The following FMO1 variants were observed in gnomAD, a reference collection of about 807,000 sequenced individuals.
The protein encoded by FMO1 is flavin containing dimethylaniline monoxygenase 1.
Under a neutral mutation model 45.4 loss-of-function variants are expected in FMO1, and 36 were observed. The observed-to-expected ratio is 0.79, with a 90% CI of 0.61 to 1.05. The LOEUF (loss-of-function observed/expected upper bound fraction) is 1.05. Ranked by LOEUF, FMO1 falls within the 50% of genes least tolerant of loss-of-function variation. The pLI is 0.00. For synonymous variants in FMO1, 228 were observed against 227.2 expected (o/e 1.00, Z -0.03); for missense variants, 615 against 640.3 (o/e 0.96, Z 0.43).
chr1:171,250,971 T>G (rs1192694078), intron 1 of FMO1, among the ~76,000 whole-genome samples: 1 of 152,316 alleles, frequency 6.6e-6, no homozygotes, highest in East Asian at 1.9e-4. Context: ...ACAAATCTTC[T>G]TGGAAGGCCG....
intron 2 of FMO1, among the ~76,000 whole-genome samples, chr1:171,264,892 C>T (rs904157624): frequency 6.6e-6 from 1 of 151,628 alleles, no homozygotes; most frequent in African/African-American, 2.4e-5. Context: ...GAGCGAGACT[C>T]CATCTCAAAA....
chr1:171,257,258 T>A (rs1660198623), intron 1 of FMO1, among the ~76,000 whole-genome samples: 1 of 152,094 alleles, frequency 6.6e-6, no homozygotes, highest in African/African-American at 2.4e-5. Flanking sequence ...GGTTGCTTAA[T>A]CAATGCACTC....
chr1:171,263,040 C>T (rs1660441004), intron 2 of FMO1, among the ~76,000 whole-genome samples: 1 of 152,200 alleles, frequency 6.6e-6, no homozygotes, highest in African/African-American at 2.4e-5. Flanking sequence ...ATTTTATTAT[C>T]ACTTTATATC....
At chr1:171,255,901 A>G (rs1660125601) in intron 1 of FMO1, among the ~76,000 whole-genome samples, 1 of 152,100 alleles carries the variant, frequency 6.6e-6, no homozygotes, top group Non-Finnish European at 1.5e-5. Flanking sequence ...TATATGCAAT[A>G]CTCTTTCCTT....
Position 171,280,936 on chromosome 1 carries a change from A to G in FMO1, c.778A>G (p.Ile260Val). The G allele has an allele frequency of 6.2e-7, 1 of 1,613,934 alleles. No homozygotes were observed. Among genetic ancestry groups the G allele is most frequent in the Non-Finnish European group, 8.5e-7 (1 of 1,179,862 alleles). The change falls in exon 6 of 9, where the codon ATA (isoleucine) becomes GTA (valine). Residue 260 changes from isoleucine (I) to valine (V), a missense_variant. By Grantham distance (29) the Ile-to-Val change is conservative. Transcript: ENST00000617670. ...PIVTWLMERK[I>V]NNWLNHANYG... is the part of the protein sequence containing the mutation. The stretch of plus-strand genomic sequence containing the variant: ...TGTGACTTGGTTGATGGAGCGAAAG[A>G]TAAACAACTGGCTCAATCATGCAAA...
At chr1:171,263,238 C>T (rs909286999) in intron 2 of FMO1, among the ~76,000 whole-genome samples, 3 of 152,104 alleles carry the variant, frequency 2.0e-5, no homozygotes, top group East Asian at 1.9e-4. Flanking sequence ...TAGCATGATA[C>T]GATTGCTTCA....
intron 2 of FMO1, among the ~76,000 whole-genome samples, chr1:171,266,925 T>C (rs1660640058): frequency 6.6e-6 from 1 of 152,218 alleles, no homozygotes; most frequent in South Asian, 2.1e-4. Flanking sequence ...GAGTAAAAAC[T>C]GAGGGTGGGA....
chr1:171,251,595 TG>T (rs1659897041), intron 1 of FMO1: 1 of 147,396 alleles, frequency 6.8e-6, no homozygotes. Context: ...GCGCCTCACA[TG>T]GGGCACCAGC....
intron 1 of FMO1, chr1:171,257,753 T>TGGA: frequency 2.8e-6 from 1 of 351,116 alleles, no homozygotes; most frequent in Non-Finnish European, 5.5e-6. Flanking sequence ...GGCCACAGAA[T>TGGA]GGAGACTAGA....
rs1661311130 is a variant in FMO1 at position 171,280,697 on chromosome 1, T to C, written c.628-89T>C. The C allele has an allele frequency of 2.1e-5, 23 of 1,107,634 alleles. No individual in the cohort carries two copies. In the South Asian group the frequency reaches 2.9e-4, roughly 14 times the overall value. The allele number at this position is 1,107,634 out of a possible 1,614,324, so 68.6% of individuals were successfully genotyped here. On this transcript the variant is annotated intron_variant, in intron 5 of 8. Transcript: ENST00000617670. ...GAGAGTGGCAGACTTTTCAGTGCCT[T>C]TCCATTCATGACACTTCTTGAATCT...
intron 4 of FMO1, among the ~76,000 whole-genome samples, chr1:171,276,394 T>C (rs753040602): frequency 6.6e-6 from 1 of 152,206 alleles, no homozygotes; most frequent in Non-Finnish European, 1.5e-5. Flanking sequence ...CAGGAAATTA[T>C]TTTTCAGCAA....
rs1474033585 is a variant in FMO1, at chr1:171,275,483, T to C, written c.459T>C (p.Pro153=). ...TCTGCACTGGCTTTCTTACTAATCC[T>C]TATTTGCCACTGGATTCCTTTCCAG... ...VMVCTGFLTN[P]YLPLDSFPGI... is the part of the protein sequence containing the mutation. Residue 153 remains proline (P), a synonymous_variant, in exon 4 of 9, where the codon CCT becomes CCC. Transcript: ENST00000617670. The C allele has an allele frequency of 6.2e-7, 1 of 1,612,118 alleles. No individual in the cohort carries two copies. Among genetic ancestry groups the C allele is most frequent in the African/African-American group, 1.3e-5 (1 of 74,826 alleles).
At chr1:171,280,137 T>C (rs1558017593) in intron 5 of FMO1, among the ~76,000 whole-genome samples, 1 of 152,218 alleles carries the variant, frequency 6.6e-6, no homozygotes, top group Non-Finnish European at 1.5e-5. Context: ...AGCTAACTAA[T>C]ATATACTAGT....
intron 2 of FMO1, among the ~76,000 whole-genome samples, chr1:171,261,905 C>A (rs1322579322): frequency 6.6e-6 from 1 of 151,968 alleles, no homozygotes; most frequent in Non-Finnish European, 1.5e-5. Flanking sequence ...GGGTGGAAAC[C>A]ATTAAAAAGA....
Position 171,275,345 on chromosome 1 carries a change from G to C in FMO1, c.322-1G>C, listed in dbSNP as rs1352105577. 6.2e-7 allele frequency: 1 copy of C among 1,611,910 alleles called. No homozygotes were observed. The highest frequency in any genetic ancestry group is 1.1e-5 in the South Asian group (1 of 90,612). On this transcript the variant is annotated splice_acceptor_variant, in intron 3 of 8. Transcript: ENST00000617670. LOFTEE classifies it high-confidence loss of function. ...AATCATATCTGTGATTCTTTTTTCAGACCAAAGTCTGCAGTGTAACAAAAT... is the reference window on the plus strand; with the variant it reads ...AATCATATCTGTGATTCTTTTTTCACACCAAAGTCTGCAGTGTAACAAAAT...
At chr1:171,261,488 G>A (rs1010140711) in intron 2 of FMO1, among the ~76,000 whole-genome samples, 3 of 152,216 alleles carry the variant, frequency 2.0e-5, no homozygotes, top group African/African-American at 4.8e-5. Context: ...GGACCATAAT[G>A]CAAAAGTAGA....
At chr1:171,260,942 T>C (rs1474034863) in intron 2 of FMO1, among the ~76,000 whole-genome samples, 1 of 134,180 alleles carries the variant, frequency 7.5e-6, no homozygotes, top group Non-Finnish European at 1.6e-5. Flanking sequence ...AAAAGAATAT[T>C]GTGGAGAATG....
chr1:171,260,800 T>A (rs1419350438), intron 2 of FMO1, among the ~76,000 whole-genome samples: 1 of 148,688 alleles, frequency 6.7e-6, no homozygotes, highest in Non-Finnish European at 1.5e-5. Flanking sequence ...CATGGTGGCA[T>A]GCACCTGTAA....
Position 171,258,139 on chromosome 1 carries a change from A to G in FMO1, c.52A>G (p.Ile18Val). 1.2e-6 allele frequency: 2 copies of G among 1,614,180 alleles called. No homozygotes were observed. The highest frequency in any genetic ancestry group is 1.7e-6 in the Non-Finnish European group (2 of 1,180,024). The stretch of plus-strand genomic sequence containing the variant: ...AGCTGGGGTCAGCGGCCTGGCCTCC[A>G]TCAAGTGCTGTCTGGAAGAAGGACT... ...VGAGVSGLAS[I>V]KCCLEEGLEP... is the part of the protein sequence containing the mutation. The change falls in exon 2 of 9, where the codon ATC becomes GTC. Residue 18 changes from isoleucine (I) to valine (V), a missense_variant. Coordinates refer to ENST00000617670, the MANE Select transcript of FMO1 (RefSeq NM_001282693.2).
Sources: gnomAD v4.1 joint callset for allele counts (sites outside exome capture counted in the v4.1 genomes callset) on GRCh38, gnomAD v4.1.1 for gene constraint, MANE v1.5 for transcripts, NCBI Gene and HGNC (gene_info 2026-07-23, HGNC 2026-07-21) for gene names.